The following GGA1 variants were observed in gnomAD, a reference collection of about 807,000 sequenced individuals.
GGA1 encodes ADP-ribosylation factor-binding protein GGA1.
Under a neutral mutation model 76.9 loss-of-function variants are expected in GGA1, and 18 were observed. The observed-to-expected ratio is 0.23, with a 90% confidence interval of 0.16 to 0.35. The LOEUF is 0.35. Ranked by LOEUF, GGA1 falls within the 10% of genes least tolerant of loss-of-function variation. The pLI is 1.00. For missense variants in GGA1, 755 were observed against 859.0 expected (o/e 0.88, Z 1.51); for synonymous variants, 342 against 354.7 (o/e 0.96, Z 0.40).
At chr22:37,629,570 G>A in intron 12 of GGA1, 44 bp downstream of exon 12, 2 of 1,249,980 alleles carry the variant, frequency 1.6e-6, no homozygotes, top group Non-Finnish European at 2.2e-6. Flanking sequence ...CCAGTCCCAG[G>A]GTCAGGGCAG....
intron 4 of GGA1, among the ~76,000 whole-genome samples, chr22:37,619,440 G>A (rs376580837): frequency 2.0e-5 from 3 of 147,202 alleles, no homozygotes; most frequent in East Asian, 4.1e-4. Flanking sequence ...GTGCAATGGC[G>A]CGATCTCAGC....
chr22:37,614,092 C>T, intron 1 of GGA1, 98 bp from the exon 2 acceptor site: 1 of 837,866 alleles, frequency 1.2e-6, no homozygotes, highest in Non-Finnish European at 2.1e-6. Flanking sequence ...CTCAGTCACA[C>T]TCCTCTCCCA....
Position 37,632,071 on chromosome 22 carries a change from C to T in GGA1, c.1604C>T (p.Pro535Leu). The T allele has an allele frequency of 6.2e-7, 1 of 1,613,850 alleles. No homozygotes were observed. Among genetic ancestry groups the T allele is most frequent in the Non-Finnish European group, 8.5e-7 (1 of 1,179,976 alleles). The change falls in exon 15 of 17, where the codon CCA becomes CTA. Residue 535 changes from proline (P) to leucine (L), a missense_variant. Physicochemically the swap from Pro to Leu is moderately conservative, Grantham distance 98. Transcript: ENST00000343632. The surrounding 1 kb of genome is among the most constrained non-coding windows in gnomAD (Gnocchi z 5.1). ...ILFHFARDPL[P>L]GRSDVLVVVV... is the part of the protein sequence containing the mutation. Reference sequence around the variant, plus strand: ...TTCCATTTTGCCCGGGACCCACTGCCAGGGCGCTCCGACGTGCTGGTGGTG... The same window carrying T: ...TTCCATTTTGCCCGGGACCCACTGCTAGGGCGCTCCGACGTGCTGGTGGTG...
Position 37,620,984 on chromosome 22 carries a change from T to G in GGA1, c.528+71T>G. The G allele has an allele frequency of 3.4e-6, 3 of 890,306 alleles. No individual in the cohort carries two copies. In the Admixed American group the frequency reaches 5.1e-5, roughly 15 times the overall value. 55.2% of individuals were successfully genotyped at this position (890,306 alleles called of 1,614,324 possible). On this transcript the variant is annotated intron_variant, in intron 6 of 16. Coordinates refer to ENST00000343632, the MANE Select transcript of GGA1 (RefSeq NM_013365.5). ...GGGTCCGTGGGTTCTGACCTCTAGC[T>G]GCCCTGGCATCAGCCGTTGGAACAG...
At chr22:37,629,412 C>A (rs2145991048) in intron 11 of GGA1, 50 bp from the exon 12 acceptor site, 2 of 1,348,414 alleles carry the variant, frequency 1.5e-6, no homozygotes, top group Non-Finnish European at 2.1e-6. Context: ...GCTCTCTGGC[C>A]TCTGCAGGGT....
At position 37,621,551 on chromosome 22, in the gene GGA1, G is replaced by C. The variant is rs866195916; in HGVS notation, c.529-65G>C. 9.0e-6 allele frequency: 9 copies of C among 998,030 alleles called. No individual in the cohort carries two copies. In the Middle Eastern group the frequency reaches 1.3e-3, roughly 146 times the overall value. 61.8% of individuals were successfully genotyped at this position (998,030 alleles called of 1,614,324 possible). ...GGCAGGAAGCGGGGAGCCATCATGTGACTCCAGTCTTCTGACCCCTGGCCC... is the reference window on the plus strand; with the variant it reads ...GGCAGGAAGCGGGGAGCCATCATGTCACTCCAGTCTTCTGACCCCTGGCCC... On this transcript the variant is annotated intron_variant, in intron 6 of 16. Coordinates refer to ENST00000343632, the MANE Select transcript of GGA1 (RefSeq NM_013365.5).
intron 11 of GGA1, 93 bp from the exon 12 acceptor site, chr22:37,629,364 GGGGTA>G (rs1361665182): frequency 1.3e-6 from 1 of 788,634 alleles, no homozygotes; most frequent in Non-Finnish European, 2.1e-6. Flanking sequence ...GCCTCAGAAA[GGGGTA>G]GGGAGCCCCA....
At chr22:37,629,360 G>A (rs1047011530) in intron 11 of GGA1, 102 bp from the exon 12 acceptor site, 1 of 774,988 alleles carries the variant, frequency 1.3e-6, no homozygotes, top group African/African-American at 1.8e-5. Context: ...CTGAGCCTCA[G>A]AAAGGGGTAG....
chr22:37,609,021 CG>C, intron 1 of GGA1, 118 bp downstream of exon 1: 1 of 1,382,692 alleles, frequency 7.2e-7, no homozygotes, highest in Non-Finnish European at 9.3e-7. Flanking sequence ...GCCCCCGGCC[CG>C]GGAGGGGCGG....
chr22:37,620,624 C>A (rs1470199035), intron 5 of GGA1, among the ~76,000 whole-genome samples, 189 bp from the exon 6 acceptor site: 1 of 152,146 alleles, frequency 6.6e-6, no homozygotes, highest in Admixed American at 6.5e-5. Flanking sequence ...GTCCCCAAAC[C>A]ATCTCCCCCA....
At chr22:37,628,246 T>A (rs1931198132) in intron 11 of GGA1, among the ~76,000 whole-genome samples, 1 of 152,126 alleles carries the variant, frequency 6.6e-6, no homozygotes, top group African/African-American at 2.4e-5. Flanking sequence ...CATTGGCTAA[T>A]TTTTTTTCCT....
At position 37,617,764 on chromosome 22, in the gene GGA1, T is replaced by C. The variant is rs576825649; in HGVS notation, c.205-684T>C. 6.5e-6 allele frequency: 6 copies of C among 918,744 alleles called. No homozygotes were observed. The East Asian group carries it at 4.7e-4, about 72-fold the overall frequency. The allele number at this position is 918,744 out of a possible 1,614,324, so 56.9% of individuals were successfully genotyped here. On this transcript the variant is annotated intron_variant, in intron 3 of 16. Coordinates refer to ENST00000343632, the MANE Select transcript of GGA1 (RefSeq NM_013365.5). ...TTTTTCTCAAGTATAACTAGTCCTA[T>C]GATTTCATAGATGTAGCTTAGGATA...
rs1054866149 is a variant in GGA1 at position 37,620,922 on chromosome 22, C to T, written c.528+9C>T. On this transcript the variant is annotated intron_variant, in intron 6 of 16. Coordinates refer to ENST00000343632, the MANE Select transcript of GGA1 (RefSeq NM_013365.5). ...ATGAGGAGAAATCCAAGGTGAGACT[C>T]CAAGGAGGCACATATGGGGACTCTG... 6.5e-7 allele frequency: 1 copy of T among 1,549,924 alleles called. No homozygotes were observed.
Position 37,624,922 on chromosome 22 carries a change from G to A in GGA1, c.833-47G>A. 1 of 1,544,286 alleles carries A rather than the reference G, an allele frequency of 6.5e-7. No homozygotes were observed. Among genetic ancestry groups the A allele is most frequent in the Middle Eastern group, 2.3e-4 (1 of 4,364 alleles). ...GGTCCTCGTCCCCTGCCGCCCAGAG[G>A]CCCCCACAGTCCTTCAGCCTGGCCT... On this transcript the variant is annotated intron_variant, in intron 9 of 16. Transcript: ENST00000343632. This position sits in a 1 kb window ranked among gnomAD's most constrained non-coding sequence, Gnocchi z 4.3.
chr22:37,618,051 G>A (rs1929138732), intron 3 of GGA1: 1 of 154,624 alleles, frequency 6.5e-6, no homozygotes, highest in Non-Finnish European at 1.4e-5. Flanking sequence ...GAACCCAGGA[G>A]GCAGAGGTTA....
At chr22:37,609,034 G>T in intron 1 of GGA1, 131 bp downstream of exon 1, 1 of 1,429,602 alleles carries the variant, frequency 7.0e-7, no homozygotes, top group Non-Finnish European at 9.1e-7. Context: ...GAGGGGCGGT[G>T]TCCTCAGTCG....
At chr22:37,608,998 C>T (rs1178541270) in intron 1 of GGA1, 95 bp downstream of exon 1, 12 of 1,358,894 alleles carry the variant, frequency 8.8e-6, no homozygotes, top group African/African-American at 1.5e-5. Context: ...GGGTCGCCCC[C>T]TCCTCACGCC....
At position 37,620,188 on chromosome 22, in the gene GGA1, A is replaced by G. The variant is rs1397824957; in HGVS notation, c.304-50A>G. 3.7e-6 allele frequency: 6 copies of G among 1,608,700 alleles called. No individual in the cohort carries two copies. The African/African-American group carries it at 8.0e-5, about 22-fold the overall frequency. On this transcript the variant is annotated intron_variant, in intron 4 of 16. Transcript: ENST00000343632. Reference sequence around the variant, plus strand: ...GGGTGTGGACAGGGCTTGAGACTGAAGTGAGTGGGGCTGGGCAGTATCAAA... The same window carrying G: ...GGGTGTGGACAGGGCTTGAGACTGAGGTGAGTGGGGCTGGGCAGTATCAAA...
In GGA1 at chr22:37,629,656, G is replaced by C. The variant is rs1931437402; in HGVS notation, c.1158+130G>C. 3 of 606,104 alleles carry C rather than the reference G, an allele frequency of 4.9e-6. No homozygotes were observed. In the African/African-American group the frequency reaches 5.9e-5, roughly 12 times the overall value. 37.5% of individuals were successfully genotyped at this position (606,104 alleles called of 1,614,324 possible). A position where few individuals can be genotyped will look rare whatever the true frequency, so the allele number is the denominator to read the frequency against. ...GAGCCCAGGGCCAGGGGGTGGCCCA[G>C]GGGCCTGGAGACACCCACCCAGGGT... On this transcript the variant is annotated intron_variant, in intron 12 of 16. Coordinates refer to ENST00000343632, the MANE Select transcript of GGA1 (RefSeq NM_013365.5).
Sources: gnomAD v4.1 joint callset for allele counts (sites outside exome capture counted in the v4.1 genomes callset) on GRCh38, gnomAD v4.1.1 for gene constraint, Gnocchi (gnomAD v3.1) non-coding constraint, MANE v1.5 for transcripts, NCBI Gene and HGNC (gene_info 2026-07-23, HGNC 2026-07-21) for gene names.